NRROS: variants seen among roughly 807,000 people sequenced by gnomAD.
NRROS encodes the protein transforming growth factor beta activator LRRC33.
NRROS carries 6 observed loss-of-function variants against 12.0 expected under a neutral mutation model. The observed-to-expected ratio is 0.50, with a 90% CI of 0.27 to 0.98. NRROS has a LOEUF of 0.98. Among genes scored for constraint, NRROS ranks in the 50% least tolerant of loss-of-function variants. NRROS has a pLI of 0.11. For missense variants in NRROS, 857 were observed against 888.2 expected (o/e 0.96, Z 0.45); for synonymous variants, 462 against 410.2 (o/e 1.13, Z -1.53).
chr3:196,640,832 G>A (rs370066424), intron 1 of NRROS, among the ~76,000 whole-genome samples: 1 of 152,176 alleles, frequency 6.6e-6, no homozygotes, highest in African/African-American at 2.4e-5. Flanking sequence ...GGGCTGCTGT[G>A]CTTCCCTAGG....
At chr3:196,652,480 A>G (rs3732423) in intron 1 of NRROS, among the ~76,000 whole-genome samples, 35,742 of 152,074 alleles carry the variant, frequency 0.24, 4,495 homozygotes, top group African/African-American at 0.33. Flanking sequence ...CTGAATTCCT[A>G]AAGGACAAAT....
intron 1 of NRROS, among the ~76,000 whole-genome samples, chr3:196,652,519 C>T (rs1737447657): frequency 6.6e-6 from 1 of 152,214 alleles, no homozygotes; most frequent in Non-Finnish European, 1.5e-5. Flanking sequence ...AATTCAAACT[C>T]TGGTCTGCTT....
Position 196,654,548 on chromosome 3 carries a change from G to A in NRROS, c.9G>A (p.Leu3=). ...ACAGGGCTGCCCTTGAGATGGAGTT[G>A]CTGCCTCTTTGGCTCTGCCTGGGTT... ME[L]LPLWLCLGFH... is the part of the protein sequence containing the mutation. The change falls in exon 2 of 3, where the codon TTG becomes TTA. Residue 3 remains leucine, a synonymous_variant. Coordinates refer to ENST00000328557, the MANE Select transcript of NRROS (RefSeq NM_198565.3). This position sits in a 1 kb window ranked among gnomAD's most constrained non-coding sequence, Gnocchi z 4.4. The A allele has an allele frequency of 1.9e-6, 3 of 1,612,920 alleles. No individual in the cohort carries two copies. Among genetic ancestry groups the A allele is most frequent in the Non-Finnish European group, 1.7e-6 (2 of 1,178,888 alleles).
At position 196,661,038 on chromosome 3, in the gene NRROS, G is replaced by A. The variant is rs781510781; in HGVS notation, c.1395G>A (p.Arg465=). The change falls in exon 3 of 3, where the codon AGG becomes AGA. Residue 465 remains arginine (R), a synonymous_variant. Transcript: ENST00000328557. ...CVDFRNMASL[R]SLSLEGCGLG... The stretch of plus-strand genomic sequence containing the variant: ...ATTTCAGGAATATGGCATCTTTAAG[G>A]AGCCTGTCTCTGGAGGGCTGTGGCC... The A allele has an allele frequency of 6.2e-7, 1 of 1,614,148 alleles. No individual in the cohort carries two copies. The highest frequency in any genetic ancestry group is 8.5e-7 in the Non-Finnish European group (1 of 1,180,020).
At chr3:196,650,956 C>T (rs573764931) in intron 1 of NRROS, among the ~76,000 whole-genome samples, 1 of 152,346 alleles carries the variant, frequency 6.6e-6, no homozygotes, top group South Asian at 2.1e-4. Context: ...GCTGGGCTTT[C>T]CACCTGTTCC....
At chr3:196,652,665 G>A (rs779179651) in intron 1 of NRROS, among the ~76,000 whole-genome samples, 9 of 152,186 alleles carry the variant, frequency 5.9e-5, no homozygotes, top group Non-Finnish European at 1.2e-4. Flanking sequence ...AATTCTTGAT[G>A]ACCCATAAAT....
intron 1 of NRROS, among the ~76,000 whole-genome samples, chr3:196,653,236 G>A (rs889188433): frequency 1.3e-5 from 2 of 152,202 alleles, no homozygotes; most frequent in Admixed American, 1.3e-4. Context: ...ATTCTGCATT[G>A]GAGGTTCTCT....
chr3:196,640,517 G>T (rs113708208), intron 1 of NRROS, among the ~76,000 whole-genome samples: 1 of 152,194 alleles, frequency 6.6e-6, no homozygotes, highest in Non-Finnish European at 1.5e-5. Flanking sequence ...ATTCACTGGG[G>T]CTCTGTGACT....
intron 2 of NRROS, among the ~76,000 whole-genome samples, chr3:196,658,077 C>T (rs78549994): frequency 0.013 from 1,979 of 152,308 alleles, 45 homozygotes; most frequent in African/African-American, 0.045. Flanking sequence ...AAAGCAGAGC[C>T]ACGAAGCATT....
chr3:196,661,934 G>A lies in NRROS; in HGVS notation c.*212G>A. The A allele has an allele frequency of 2.6e-6, 1 of 379,724 alleles. No individual in the cohort carries two copies. The highest frequency in any genetic ancestry group is 2.5e-5 in the African/African-American group (1 of 39,858). The allele number at this position is 379,724 out of a possible 1,614,324, so 23.5% of individuals were successfully genotyped here. On this transcript the variant is annotated 3_prime_UTR_variant, in exon 3 of 3. Coordinates refer to ENST00000328557, the MANE Select transcript of NRROS (RefSeq NM_198565.3). ...ATTATAATTCATCCTCATTATCTTG[G>A]TAAAATATTTATTAAGTGACTTTTT...
chr3:196,649,477 CTCTT>C (rs2108637821), intron 1 of NRROS, among the ~76,000 whole-genome samples: 1 of 149,798 alleles, frequency 6.7e-6, no homozygotes, highest in South Asian at 2.1e-4. Context: ...ATTTGTTTCT[CTCTT>C]TTTTTTTTGA....
chr3:196,660,880 C>A lies in NRROS; in HGVS notation c.1237C>A (p.Gln413Lys). 1 of 1,614,092 alleles carries A rather than the reference C, an allele frequency of 6.2e-7. No homozygotes were observed. Among genetic ancestry groups the A allele is most frequent in the Non-Finnish European group, 8.5e-7 (1 of 1,180,040 alleles). The change falls in exon 3 of 3, where the codon CAG (glutamine) becomes AAG (lysine). Residue 413 changes from glutamine to lysine, a missense_variant. Coordinates refer to ENST00000328557, the MANE Select transcript of NRROS (RefSeq NM_198565.3). This position sits in a 1 kb window ranked among gnomAD's most constrained non-coding sequence, Gnocchi z 7.7. Reference sequence around the variant, plus strand: ...GCGCTTGTTCAACCTGAGCTCCAACCAGCTCCTGGGCGTCCCCCCTGGCCT... The same window carrying A: ...GCGCTTGTTCAACCTGAGCTCCAACAAGCTCCTGGGCGTCCCCCCTGGCCT... ...SLRLFNLSSNQLLGVPPGLFA... is the reference protein window; with the variant it reads ...SLRLFNLSSNKLLGVPPGLFA...
rs139647726 is a variant in NRROS, at chr3:196,661,153, G to A, written c.1510G>A (p.Ala504Thr). 49 of 1,612,290 alleles carry A rather than the reference G, an allele frequency of 3.0e-5. No homozygotes were observed. The highest frequency in any genetic ancestry group is 6.7e-5 in the African/African-American group (5 of 74,970). ...SNWGVLNGSL[A>T]PLQDVAPMLQ... The stretch of plus-strand genomic sequence containing the variant: ...CTGGGGGGTTCTGAATGGGAGCCTC[G>A]CCCCACTCCAGGATGTTGCCCCCAT... Residue 504 changes from alanine to threonine, a missense_variant, in exon 3 of 3, where the codon GCC becomes ACC. By Grantham distance (58) the Ala-to-Thr change is moderately conservative. Coordinates refer to ENST00000328557, the MANE Select transcript of NRROS (RefSeq NM_198565.3).
At position 196,661,549 on chromosome 3, in the gene NRROS, G is replaced by T; in HGVS notation, c.1906G>T (p.Gly636Cys). Residue 636 changes from glycine (G) to cysteine (C), a missense_variant, in exon 3 of 3, where the codon GGT (glycine) becomes TGT (cysteine). Physicochemically the swap from Gly to Cys is radical, Grantham distance 159. Coordinates refer to ENST00000328557, the MANE Select transcript of NRROS (RefSeq NM_198565.3). ...CATCCGCGTGACGGAGCTGCCCGGA[G>T]GTGTGCCTCGGGACTGCAAGTGGGA... ...KIIRVTELPG[G>C]VPRDCKWERL... The T allele has an allele frequency of 6.2e-7, 1 of 1,614,042 alleles. No individual in the cohort carries two copies. Among genetic ancestry groups the T allele is most frequent in the South Asian group, 1.1e-5 (1 of 91,086 alleles).
chr3:196,661,068 G>A lies in NRROS; in HGVS notation c.1425G>A (p.Gly475=), dbSNP rs141522978. The change falls in exon 3 of 3, where the codon GGG becomes GGA. Residue 475 remains glycine, a synonymous_variant. Transcript: ENST00000328557. ...TGTCTCTGGAGGGCTGTGGCCTGGGGGCATTGCCAGACTGCCCATTCCAAG... is the reference window on the plus strand; with the variant it reads ...TGTCTCTGGAGGGCTGTGGCCTGGGAGCATTGCCAGACTGCCCATTCCAAG... The part of the protein sequence containing the change: ...RSLSLEGCGL[G]ALPDCPFQGT... The A allele has an allele frequency of 2.4e-5, 39 of 1,614,008 alleles. No homozygotes were observed. The highest frequency in any genetic ancestry group is 3.1e-5 in the Non-Finnish European group (36 of 1,180,042).
chr3:196,661,108 T>C lies in NRROS; in HGVS notation c.1465T>C (p.Tyr489His), dbSNP rs749997451. The change falls in exon 3 of 3, where the codon TAC becomes CAC. Residue 489 changes from tyrosine to histidine, a missense_variant. Coordinates refer to ENST00000328557, the MANE Select transcript of NRROS (RefSeq NM_198565.3). ...DCPFQGTSLT[Y>H]LDLSSNWGVL... ...CCCATTCCAAGGGACCTCCCTGACC[T>C]ACTTAGACCTCTCAAGCAACTGGGG... The C allele has an allele frequency of 1.7e-4, 272 of 1,613,734 alleles. No homozygotes were observed. The highest frequency in any genetic ancestry group is 2.2e-4 in the Non-Finnish European group (263 of 1,179,798).
intron 1 of NRROS, among the ~76,000 whole-genome samples, chr3:196,642,292 GA>G (rs76036994): frequency 0.13 from 18,280 of 143,536 alleles, 1,420 homozygotes; most frequent in Middle Eastern, 0.21. Context: ...CGGCAAAAAA[GA>G]AAAAAAAAAA....
At chr3:196,658,659 A>G (rs539441678) in intron 2 of NRROS, among the ~76,000 whole-genome samples, 1 of 152,262 alleles carries the variant, frequency 6.6e-6, no homozygotes, top group East Asian at 1.9e-4. Flanking sequence ...TTGCTCCTCT[A>G]TCTTATCACT....
intron 1 of NRROS, among the ~76,000 whole-genome samples, chr3:196,644,769 CAAAAAAA>C (rs57304721): frequency 1.1e-4 from 12 of 109,166 alleles, no homozygotes; most frequent in South Asian, 3.0e-4. Context: ...GAGACTCTGT[CAAAAAAA>C]AAAAAAAAAA....
Sources: allele counts gnomAD v4.1 joint callset (sites outside exome capture counted in the v4.1 genomes callset), GRCh38; gene constraint gnomAD v4.1.1; non-coding constraint Gnocchi (gnomAD v3.1); transcripts MANE v1.5; gene names NCBI Gene and HGNC (gene_info 2026-07-23, HGNC 2026-07-21).